Variants in PON2 observed in about 807,000 individuals in gnomAD.
PON2 encodes the protein paraoxonase 2, also known as serum paraoxonase/arylesterase 2.
A neutral mutation model predicts 36.6 loss-of-function variants in PON2; 27 were observed. The ratio of observed to expected loss-of-function variants is 0.74; its 90% CI spans 0.54 to 1.02. The LOEUF (loss-of-function observed/expected upper bound fraction) is 1.02, where lower values mean the gene tolerates loss of function less well. Among genes scored for constraint, PON2 ranks in the 50% least tolerant of loss-of-function variants. The pLI is 0.00. For synonymous variants in PON2, 149 were observed against 156.3 expected (o/e 0.95, Z 0.35); for missense variants, 363 against 421.1 (o/e 0.86, Z 1.21).
At chr7:95,416,104 C>A in intron 3 of PON2, 138 bp downstream of exon 3, 1 of 1,454,152 alleles carries the variant, frequency 6.9e-7, no homozygotes, top group Non-Finnish European at 9.3e-7. Context: ...GGAAGTTTTC[C>A]AAGATCTTGT....
intron 3 of PON2, 32 bp from the exon 4 acceptor site, chr7:95,412,509 A>G (rs1486766631): frequency 1.2e-6 from 2 of 1,600,068 alleles, no homozygotes; most frequent in African/African-American, 1.3e-5. Flanking sequence ...GTTAAATACA[A>G]AAGCTTAAGT....
chr7:95,417,148 A>G (rs927868483), intron 2 of PON2, among the ~76,000 whole-genome samples: 6 of 152,176 alleles, frequency 3.9e-5, no homozygotes, highest in Admixed American at 3.3e-4. Flanking sequence ...CCTCTTTAAG[A>G]CTTCTCCATA....
At chr7:95,411,608 C>A in intron 5 of PON2, 45 bp downstream of exon 5, 1 of 1,611,532 alleles carries the variant, frequency 6.2e-7, no homozygotes. Context: ...GGATTGTTTG[C>A]AAATGCTGGG....
intron 3 of PON2, among the ~76,000 whole-genome samples, chr7:95,415,678 C>T (rs1488965720): frequency 1.3e-5 from 2 of 152,104 alleles, no homozygotes; most frequent in African/African-American, 4.8e-5. Context: ...TTGCGCTGGG[C>T]GTGGTGGCTC....
intron 3 of PON2, among the ~76,000 whole-genome samples, chr7:95,414,321 GT>G (rs1243887837): frequency 2.0e-5 from 3 of 152,074 alleles, no homozygotes; most frequent in African/African-American, 7.2e-5. Flanking sequence ...TACACTCTAG[GT>G]TTTATTAGAG....
intron 3 of PON2, among the ~76,000 whole-genome samples, chr7:95,413,803 C>T (rs1216771143): frequency 6.6e-6 from 1 of 152,136 alleles, no homozygotes; most frequent in Non-Finnish European, 1.5e-5. Flanking sequence ...GGAAATCTCT[C>T]CAATTAAAAA....
intron 2 of PON2, among the ~76,000 whole-genome samples, chr7:95,417,528 T>G (rs1789090786): frequency 6.6e-6 from 1 of 152,146 alleles, no homozygotes; most frequent in Non-Finnish European, 1.5e-5. Flanking sequence ...AAACGGTCCT[T>G]GATTTTCATC....
intron 2 of PON2, among the ~76,000 whole-genome samples, chr7:95,422,894 A>G (rs774407683): frequency 2.0e-5 from 3 of 152,216 alleles, no homozygotes; most frequent in Admixed American, 1.3e-4. Context: ...GTCTAATCAC[A>G]AACTCATCAT....
Position 95,405,364 on chromosome 7 carries a change from G to A in PON2, c.1031C>T (p.Thr344Ile), listed in dbSNP as rs746481850. ...ACAATACAAGGCTCTGTGGTATAAA[G>A]TGCCTATGAGCAGCTTCCCATCATA... ...SVYDGKLLIGTLYHRALYCEL is the reference protein window; with the variant it reads ...SVYDGKLLIGILYHRALYCEL The change falls in exon 9 of 9, where the codon ACT becomes ATT. Residue 344 changes from threonine (T) to isoleucine (I), a missense_variant. By Grantham distance (89) the Thr-to-Ile change is moderately conservative (BLOSUM62 -1). Coordinates refer to ENST00000222572, the MANE Select transcript of PON2 (RefSeq NM_000305.3). The A allele has an allele frequency of 2.5e-6, 4 of 1,613,920 alleles. No homozygotes were observed. Among genetic ancestry groups the A allele is most frequent in the South Asian group, 2.2e-5 (2 of 91,068 alleles).
At chr7:95,406,364 C>A (rs1809694725) in intron 7 of PON2, 117 bp from the exon 8 acceptor site, 1 of 1,101,284 alleles carries the variant, frequency 9.1e-7, no homozygotes, top group East Asian at 2.4e-5. Context: ...CTGCTTCCAC[C>A]TTCTAACACC....
rs560959996 is a variant in PON2 at position 95,405,022 on chromosome 7, T to C, written c.*308A>G. ...CATTTTAAGGAAATATAATTCACTCTATTTCAGTGGAATCCATGTTCTGGC... is the reference window on the plus strand; with the variant it reads ...CATTTTAAGGAAATATAATTCACTCCATTTCAGTGGAATCCATGTTCTGGC... On this transcript the variant is annotated 3_prime_UTR_variant, in exon 9 of 9. Transcript: ENST00000222572. The C allele has an allele frequency of 1.3e-5, 4 of 317,862 alleles. No homozygotes were observed. The South Asian group carries it at 1.4e-4, about 11-fold the overall frequency. The allele number at this position is 317,862 out of a possible 1,614,324, so 19.7% of individuals were successfully genotyped here.
At chr7:95,406,049 G>T in intron 8 of PON2, 70 bp downstream of exon 8, 1 of 1,507,126 alleles carries the variant, frequency 6.6e-7, no homozygotes, top group Non-Finnish European at 9.2e-7. Context: ...TCATCCCTGT[G>T]ACAATTTATT....
intron 1 of PON2, among the ~76,000 whole-genome samples, chr7:95,433,018 G>A (rs555898138): frequency 3.9e-5 from 6 of 151,968 alleles, no homozygotes; most frequent in South Asian, 2.1e-4. Flanking sequence ...AGTAGTTCTC[G>A]ACCTTGACTG....
At chr7:95,427,173 G>A (rs1789335823) in intron 1 of PON2, among the ~76,000 whole-genome samples, 1 of 152,048 alleles carries the variant, frequency 6.6e-6, no homozygotes, top group Non-Finnish European at 1.5e-5. Context: ...AGAAAATGAA[G>A]GTTTTGCCTT....
chr7:95,416,782 C>T (rs559479672), intron 2 of PON2, among the ~76,000 whole-genome samples: 23 of 152,274 alleles, frequency 1.5e-4, no homozygotes, highest in African/African-American at 4.8e-4. Flanking sequence ...AAAAACAGTG[C>T]CTACTTGTGC....
chr7:95,415,308 T>G (rs533073427), intron 3 of PON2: 1 of 152,320 alleles, frequency 6.6e-6, no homozygotes, highest in African/African-American at 2.4e-5. Flanking sequence ...TGTTACAAGC[T>G]AGTTTCAACA....
intron 2 of PON2, chr7:95,424,107 G>C (rs776247307): frequency 1.7e-5 from 4 of 233,554 alleles, no homozygotes; most frequent in Non-Finnish European, 3.4e-5. Flanking sequence ...TTAGCCATAA[G>C]ATCAGATCCT....
chr7:95,420,506 T>C (rs2237585), intron 2 of PON2, among the ~76,000 whole-genome samples: 76,428 of 152,110 alleles, frequency 0.5, 19,830 homozygotes, highest in East Asian at 0.82. Flanking sequence ...AGTGAACTTA[T>C]TTTCTGACCC....
intron 1 of PON2, 84 bp downstream of exon 1, chr7:95,434,794 C>T: frequency 2.8e-6 from 4 of 1,450,728 alleles, no homozygotes; most frequent in Non-Finnish European, 3.7e-6. Context: ...AGGAATCCCT[C>T]CCCCAGCCTG....
Sources: gnomAD v4.1 joint callset for allele counts (sites outside exome capture counted in the v4.1 genomes callset) on GRCh38, gnomAD v4.1.1 for gene constraint, MANE v1.5 for transcripts, NCBI Gene and HGNC (gene_info 2026-07-23, HGNC 2026-07-21) for gene names.